PTPRK: variants seen among roughly 807,000 people sequenced by gnomAD.
PTPRK encodes protein tyrosine phosphatase receptor type K, also known as receptor-type tyrosine-protein phosphatase kappa.
A neutral mutation model predicts 178.0 loss-of-function variants in PTPRK; 75 were observed. The observed-to-expected ratio is 0.42, with a 90% CI of 0.35 to 0.51. The LOEUF is 0.51. Among genes scored for constraint, PTPRK ranks in the 20% least tolerant of loss-of-function variants. PTPRK has a pLI of 0.02. For missense variants in PTPRK, 1,441 were observed against 1,797.8 expected (o/e 0.80, Z 3.59); for synonymous variants, 637 against 620.6 (o/e 1.03, Z -0.39).
intron 3 of PTPRK, among the ~76,000 whole-genome samples, chr6:128,297,277 G>C (rs536508608): frequency 0.01 from 1,547 of 152,164 alleles, 28 homozygotes; most frequent in African/African-American, 0.035. Context: ...ATAATAATGG[G>C]AGACTTTAAC....
chr6:128,463,985 C>A lies in PTPRK; in HGVS notation c.100+56274G>T, dbSNP rs139304837. 4.2e-3 allele frequency among the ~76,000 whole-genome samples: 636 copies of A among 151,782 alleles called. 7 individuals are homozygous for A. The highest frequency in any genetic ancestry group is 0.014 in the African/African-American group (594 of 41,348). On this transcript the variant is annotated intron_variant, in intron 1 of 29. Coordinates refer to ENST00000368226, the MANE Select transcript of PTPRK (RefSeq NM_002844.4). ...TGGCCAGGCGGTCTCGAACTCCCGA[C>A]CTCAGGCGATCTGCCTGCCTCAGCA...
chr6:127,985,834 G>A lies in PTPRK; in HGVS notation c.3138C>T (p.Phe1046=). The change falls in exon 22 of 30, where the codon TTC becomes TTT. Residue 1046 remains phenylalanine, a synonymous_variant. Coordinates refer to ENST00000368226, the MANE Select transcript of PTPRK (RefSeq NM_002844.4). ...GCACTCCATGGTCAGGCCAGCCCGT[G>A]AAATGGAACTGTTTAACTTCACGGA... ...NEIREVKQFH[F]TGWPDHGVPY... 6.2e-7 allele frequency: 1 copy of A among 1,613,640 alleles called. No homozygotes were observed. The highest frequency in any genetic ancestry group is 1.7e-5 in the Admixed American group (1 of 59,998).
Position 128,519,621 on chromosome 6 carries a change from C to T in PTPRK, c.100+638G>A, listed in dbSNP as rs1235079063. 1.3e-5 allele frequency among the ~76,000 whole-genome samples: 2 copies of T among 152,196 alleles called. No individual in the cohort carries two copies. The highest frequency in any genetic ancestry group is 4.8e-5 in the African/African-American group (2 of 41,468). On this transcript the variant is annotated intron_variant, in intron 1 of 29. Transcript: ENST00000368226. This position sits in a 1 kb window ranked among gnomAD's most constrained non-coding sequence, Gnocchi z 4.3. ...CGCTCAGAGTGGGTCCTTAGAACCGCATTTCAACACATCTTACAGGGCTCC... is the reference window on the plus strand; with the variant it reads ...CGCTCAGAGTGGGTCCTTAGAACCGTATTTCAACACATCTTACAGGGCTCC...
intron 13 of PTPRK, among the ~76,000 whole-genome samples, chr6:128,011,319 T>G (rs981366993): frequency 6.6e-6 from 1 of 151,178 alleles, no homozygotes; most frequent in Non-Finnish European, 1.5e-5. Flanking sequence ...ATGATAATGA[T>G]CCCTTAGTGA....
rs117790098 is a variant in PTPRK, at chr6:128,031,264, A to C, written c.2195-21996T>G. Among the ~76,000 whole-genome samples the C allele has an allele frequency of 2.0e-4, 31 of 152,336 alleles. 1 individual carries two copies. In the East Asian group the frequency reaches 5.2e-3, roughly 26 times the overall value. On this transcript the variant is annotated intron_variant, in intron 13 of 29. Transcript: ENST00000368226. ...CTAGATTTGAACAGGTGATTTGGCT[A>C]AACGTACACGACTGCTTTGTAGAAC...
intron 1 of PTPRK, among the ~76,000 whole-genome samples, chr6:128,476,235 A>C (rs1362972442): frequency 6.6e-6 from 1 of 152,068 alleles, no homozygotes; most frequent in African/African-American, 2.4e-5. Flanking sequence ...TCAGACCCTC[A>C]ACAATATCTT....
At chr6:128,265,950 C>T (rs902887352) in intron 3 of PTPRK, among the ~76,000 whole-genome samples, 3 of 152,024 alleles carry the variant, frequency 2.0e-5, no homozygotes, top group Non-Finnish European at 2.9e-5. Context: ...GAGATCCTTG[C>T]CTCTTCTGCA....
intron 13 of PTPRK, among the ~76,000 whole-genome samples, chr6:128,045,401 C>T (rs1464727162): frequency 6.6e-6 from 1 of 151,796 alleles, no homozygotes; most frequent in Admixed American, 6.6e-5. Flanking sequence ...ACCTATTTTT[C>T]TCACAAAAAG....
intron 11 of PTPRK, among the ~76,000 whole-genome samples, chr6:128,070,588 C>T (rs1245305452): frequency 6.6e-6 from 1 of 151,890 alleles, no homozygotes; most frequent in Non-Finnish European, 1.5e-5. Context: ...CTTTCTAAAA[C>T]ATTCTTTGTG....
rs929785664 is a variant in PTPRK, at chr6:128,359,309, T to C, written c.224-36999A>G. ...GGGATTACAGGCGTGAGCCACCACA[T>C]CTAGCCAAGGCAGTATTTTCTATCT... On this transcript the variant is annotated intron_variant, in intron 2 of 29. Coordinates refer to ENST00000368226, the MANE Select transcript of PTPRK (RefSeq NM_002844.4). Among the ~76,000 whole-genome samples, 36 of 151,644 alleles carry C rather than the reference T, an allele frequency of 2.4e-4. No homozygotes were observed. In the East Asian group the frequency reaches 2.6e-3, roughly 11 times the overall value.
In PTPRK at chr6:127,995,494, A is replaced by C; in HGVS notation, c.2812T>G (p.Ser938Ala). Residue 938 changes from serine to alanine, a missense_variant, in exon 18 of 30, where the codon TCC becomes GCC. Ser to Ala is a moderately conservative substitution (Grantham distance 99). Around this residue, in one of 4 missense-constraint regions of PTPRK, gnomAD observed 945 missense variants for 1,080.6 expected, o/e 0.87. Coordinates refer to ENST00000368226, the MANE Select transcript of PTPRK (RefSeq NM_002844.4). ...TAGTTGGCATTAATATAATCTGAGG[A>C]AGGATCATCCTCTACGGGTTGCAAA... is the stretch of plus-strand genomic sequence containing the variant. The part of the protein sequence containing the change: ...VILQPVEDDP[S>A]SDYINANYID... 1.2e-6 allele frequency: 2 copies of C among 1,600,130 alleles called. No homozygotes were observed. The highest frequency in any genetic ancestry group is 1.7e-6 in the Non-Finnish European group (2 of 1,170,946).
intron 23 of PTPRK, 86 bp from the exon 24 acceptor site, chr6:127,983,066 T>C (rs1775534145): frequency 2.1e-6 from 3 of 1,418,820 alleles, no homozygotes; most frequent in Admixed American, 4.5e-5. Context: ...GAAAATTTTC[T>C]CTATATGGAA....
rs545712536 is a variant in PTPRK, at chr6:128,434,974, G to A, written c.101-37286C>T. On this transcript the variant is annotated intron_variant, in intron 1 of 29. Coordinates refer to ENST00000368226, the MANE Select transcript of PTPRK (RefSeq NM_002844.4). ...AGGAGGTCAAGGTTGCAGGCAGGCA[G>A]GCAGGCAGGCAGGCAGGCAGGCAGG... Among the ~76,000 whole-genome samples the A allele has an allele frequency of 4.2e-5, 6 of 142,346 alleles. No individual in the cohort carries two copies. The South Asian group carries it at 1.1e-3, about 25-fold the overall frequency. The allele number at this position is 142,346 out of a possible 152,430, so 93.4% of individuals were successfully genotyped here.
intron 3 of PTPRK, among the ~76,000 whole-genome samples, chr6:128,314,165 A>C (rs1336106250): frequency 6.6e-6 from 1 of 152,172 alleles, no homozygotes; most frequent in Non-Finnish European, 1.5e-5. Flanking sequence ...CACCTGGTCT[A>C]ATGCAGTTTC....
chr6:128,185,237 A>T (rs1039510700), intron 6 of PTPRK, among the ~76,000 whole-genome samples: 4 of 152,284 alleles, frequency 2.6e-5, no homozygotes, highest in East Asian at 3.9e-4. Flanking sequence ...ACAGTGTGAC[A>T]AATTTAAATT....
At chr6:128,153,340 T>A (rs1030501595) in intron 7 of PTPRK, among the ~76,000 whole-genome samples, 3 of 151,950 alleles carry the variant, frequency 2.0e-5, no homozygotes, top group South Asian at 2.1e-4. Context: ...CACAATGTGC[T>A]GCAGCCGCTG....
chr6:128,267,030 A>G (rs1562164268), intron 3 of PTPRK, among the ~76,000 whole-genome samples: 1 of 152,164 alleles, frequency 6.6e-6, no homozygotes, highest in Non-Finnish European at 1.5e-5. Flanking sequence ...AAATCTTATG[A>G]AATCACATAG....
rs1036205319 is a variant in PTPRK, at chr6:128,438,276, G to T, written c.101-40588C>A. On this transcript the variant is annotated intron_variant, in intron 1 of 29. Transcript: ENST00000368226. ...GTAAAGGAATAAATGAAAATTCTGC[G>T]TGCCACTTTTGAATGGATGCCAACC... Among the ~76,000 whole-genome samples the T allele has an allele frequency of 2.0e-5, 3 of 152,210 alleles. No homozygotes were observed. The East Asian group carries it at 5.8e-4, about 29-fold the overall frequency.
intron 5 of PTPRK, among the ~76,000 whole-genome samples, chr6:128,224,783 C>G (rs190507514): frequency 6.6e-6 from 1 of 152,190 alleles, no homozygotes; most frequent in East Asian, 1.9e-4. Context: ...AAAATGGGTT[C>G]CCTTTGCTTT....
Sources: gnomAD v4.1 joint callset for allele counts (sites outside exome capture counted in the v4.1 genomes callset) on GRCh38, gnomAD v4.1.1 for gene constraint, gnomAD v4.1.1 regional missense constraint, Gnocchi (gnomAD v3.1) non-coding constraint, MANE v1.5 for transcripts, NCBI Gene and HGNC (gene_info 2026-07-23, HGNC 2026-07-21) for gene names.